HMGN5: variants seen among roughly 807,000 people sequenced by gnomAD.
HMGN5 encodes the protein high mobility group nucleosome-binding domain-containing protein 5.
Under a neutral mutation model 9.5 loss-of-function variants are expected in HMGN5, and 4 were observed. The observed-to-expected ratio is 0.42, with a 90% confidence interval of 0.21 to 0.96. The LOEUF is 0.96. Ranked by LOEUF, HMGN5 falls within the 40% of genes least tolerant of loss-of-function variation. The pLI is 0.30. For missense variants in HMGN5, 192 were observed against 187.5 expected, an observed-to-expected ratio of 1.02 and a Z score of -0.14; for synonymous variants, 55 against 57.1, an observed-to-expected ratio of 0.96 and a Z score of 0.16.
intron 2 of HMGN5, 46 bp downstream of exon 2, chrX:81,121,489 G>A (rs770856142): frequency 8.6e-7 from 1 of 1,157,181 alleles, no homozygotes; most frequent in South Asian, 1.8e-5. Flanking sequence ...TTAGGAAATA[G>A]GTAACTCAGC....
chrX:81,142,586 AG>A (rs1185279944), intron 1 of HMGN5, among the ~76,000 whole-genome samples: 1 of 111,948 alleles, frequency 8.9e-6, no homozygotes, highest in Non-Finnish European at 1.9e-5. Context: ...AAAGTACTGA[AG>A]GAAAAAAAAA....
chrX:81,159,439 G>T (rs1214149461), intron 1 of HMGN5, among the ~76,000 whole-genome samples: 1 of 111,377 alleles, frequency 9.0e-6, no homozygotes, highest in Non-Finnish European at 1.9e-5. Flanking sequence ...AATGCTGTCA[G>T]CTCATCTCTA....
chrX:81,200,717 G>A (rs778714465), intron 1 of HMGN5, among the ~76,000 whole-genome samples: 117 of 111,120 alleles, frequency 1.1e-3, no homozygotes, highest in African/African-American at 1.6e-3. Flanking sequence ...GGGGGTGGGG[G>A]GCTGGAGGAG....
At chrX:81,155,624 G>A (rs1428520516) in intron 1 of HMGN5, among the ~76,000 whole-genome samples, 1 of 111,295 alleles carries the variant, frequency 9.0e-6, no homozygotes, top group Non-Finnish European at 1.9e-5. Flanking sequence ...TGAATTTCCA[G>A]GGAATTAAGT....
At chrX:81,189,095 G>A (rs1296905141) in intron 1 of HMGN5, among the ~76,000 whole-genome samples, 2 of 111,785 alleles carry the variant, frequency 1.8e-5, no homozygotes, top group Admixed American at 9.5e-5. Context: ...GTCTGGGAAA[G>A]TCTTTATTTC....
chrX:81,182,475 T>C (rs1403645058), intron 1 of HMGN5, among the ~76,000 whole-genome samples: 4 of 111,800 alleles, frequency 3.6e-5, no homozygotes, highest in African/African-American at 1.3e-4. Context: ...TTTCTCATGG[T>C]TTAACTCCGT....
rs191670519 is a variant in HMGN5, at chrX:81,201,018, G to A, written c.-124+719C>T. ...TTGTTTTAAGGACAACATGTAAAGA[G>A]ATTAATTTGGAATTAGTATTTAAGA... On this transcript the variant is annotated intron_variant, in intron 1 of 6. Transcript: ENST00000358130. Among the ~76,000 whole-genome samples the A allele has an allele frequency of 3.6e-5, 4 of 111,042 alleles. No homozygotes were observed. In the East Asian group the frequency reaches 1.1e-3, roughly 32 times the overall value.
chrX:81,182,697 A>G (rs1306468605), intron 1 of HMGN5, among the ~76,000 whole-genome samples: 1 of 112,084 alleles, frequency 8.9e-6, no homozygotes, highest in Admixed American at 9.5e-5. Context: ...GTGTATATGT[A>G]CCACAATTTC....
chrX:81,121,213 A>G (rs1441304653), intron 2 of HMGN5, among the ~76,000 whole-genome samples: 1 of 109,926 alleles, frequency 9.1e-6, no homozygotes, highest in East Asian at 2.9e-4. Flanking sequence ...GTGTTCTCCA[A>G]TAGGGTAAGC....
chrX:81,143,084 T>C (rs1326086118), intron 1 of HMGN5, among the ~76,000 whole-genome samples: 1 of 111,280 alleles, frequency 9.0e-6, no homozygotes, highest in Non-Finnish European at 1.9e-5. Flanking sequence ...GGATATTACA[T>C]AGTATTTGCA....
intron 1 of HMGN5, among the ~76,000 whole-genome samples, chrX:81,133,477 A>G (rs1332878417): frequency 8.9e-6 from 1 of 111,890 alleles, no homozygotes; most frequent in African/African-American, 3.2e-5. Flanking sequence ...TCAATCATAG[A>G]TGGGATAAAG....
chrX:81,152,008 G>C (rs2075364115), intron 1 of HMGN5, among the ~76,000 whole-genome samples: 1 of 111,815 alleles, frequency 8.9e-6, no homozygotes, highest in East Asian at 2.8e-4. Context: ...ATGGATTAAA[G>C]ACTTAAACGT....
intron 1 of HMGN5, among the ~76,000 whole-genome samples, chrX:81,185,332 C>G (rs1291629965): frequency 9.0e-6 from 1 of 111,484 alleles, no homozygotes; most frequent in East Asian, 2.8e-4. Context: ...TCATTCACTT[C>G]TTTGATTAAG....
chrX:81,179,906 A>G (rs2147642796), intron 1 of HMGN5, among the ~76,000 whole-genome samples: 1 of 111,768 alleles, frequency 8.9e-6, no homozygotes, highest in South Asian at 3.7e-4. Context: ...CCACACATCT[A>G]CAACCATCTG....
At chrX:81,130,104 C>A (rs888696660) in intron 1 of HMGN5, among the ~76,000 whole-genome samples, 7 of 111,013 alleles carry the variant, frequency 6.3e-5, no homozygotes, top group African/African-American at 2.0e-4. Flanking sequence ...ATACCAGGAA[C>A]TTTGGAGAGA....
At chrX:81,140,559 CAAAAAAA>C (rs1227925535) in intron 1 of HMGN5, among the ~76,000 whole-genome samples, 4 of 33,627 alleles carry the variant, frequency 1.2e-4, no homozygotes, top group African/African-American at 1.5e-4. Context: ...GACTCTGTCT[CAAAAAAA>C]AAAAAAAAAA....
chrX:81,199,698 C>T (rs2075519646), intron 1 of HMGN5, among the ~76,000 whole-genome samples: 1 of 112,017 alleles, frequency 8.9e-6, no homozygotes, highest in Non-Finnish European at 1.9e-5. Flanking sequence ...AAACTGGATC[C>T]TTTCCTTACA....
chrX:81,172,144 T>C (rs186856524), intron 1 of HMGN5, among the ~76,000 whole-genome samples: 1 of 111,360 alleles, frequency 9.0e-6, no homozygotes, highest in East Asian at 2.8e-4. Context: ...CTTCACTCTT[T>C]TGGTTTTTCC....
chrX:81,122,075 G>A (rs1044190317), intron 1 of HMGN5, among the ~76,000 whole-genome samples: 2 of 112,467 alleles, frequency 1.8e-5, no homozygotes, highest in African/African-American at 6.5e-5. Context: ...GACCAGTTGA[G>A]TCTGGGCTCC....
Sources: gnomAD v4.1 joint callset for allele counts (sites outside exome capture counted in the v4.1 genomes callset) on GRCh38, gnomAD v4.1.1 for gene constraint, MANE v1.5 for transcripts, NCBI Gene and HGNC (gene_info 2026-07-23, HGNC 2026-07-21) for gene names.